WDR88: variants seen among roughly 807,000 people sequenced by gnomAD.
The protein encoded by WDR88 is WD repeat domain 88.
A neutral mutation model predicts 46.8 loss-of-function variants in WDR88; 40 were observed. That is an observed-to-expected ratio of 0.86 (90% confidence interval 0.66 to 1.11). The LOEUF (loss-of-function observed/expected upper bound fraction) is 1.11, where lower values mean the gene tolerates loss of function less well. WDR88 is among the 50% of genes most tolerant of loss of function. The probability of loss-of-function intolerance (pLI) is 0.00; values close to 1 mark genes in which losing one functional copy is unlikely to be tolerated. For missense variants in WDR88, 562 were observed against 602.4 expected, an observed-to-expected ratio of 0.93 and a Z score of 0.70; for synonymous variants, 235 against 240.7, an observed-to-expected ratio of 0.98 and a Z score of 0.22.
At position 33,138,739 on chromosome 19, in the gene WDR88, A is replaced by G. The variant is rs1568359050; in HGVS notation, c.387+952A>G. On this transcript the variant is annotated intron_variant, in intron 2 of 10. Coordinates refer to ENST00000355868, the MANE Select transcript of WDR88 (RefSeq NM_173479.4). ...TGCTCTGTCGCCCAGGCTGGAGTAT[A>G]GTGCCACGATCTCGGCTCACTACAA... is the stretch of plus-strand genomic sequence containing the variant. 5.1e-5 allele frequency among the ~76,000 whole-genome samples: 7 copies of G among 137,990 alleles called. No individual in the cohort carries two copies. In the South Asian group the frequency reaches 1.6e-3, roughly 31 times the overall value. The allele number at this position is 137,990 out of a possible 152,430, so 90.5% of individuals were successfully genotyped here.
chr19:33,172,286 C>T (rs2145426878), intron 9 of WDR88, 62 bp from the exon 10 acceptor site: 2 of 1,349,362 alleles, frequency 1.5e-6, no homozygotes, highest in South Asian at 2.5e-5. Flanking sequence ...TGTTGAATGA[C>T]ATTCCTTTGT....
chr19:33,144,750 G>A (rs1973475569), intron 2 of WDR88, 94 bp from the exon 3 acceptor site: 1 of 1,157,966 alleles, frequency 8.6e-7, no homozygotes, highest in South Asian at 1.3e-5. Context: ...TTTGCTACCA[G>A]AGATAAGCTA....
chr19:33,156,664 TC>T, intron 7 of WDR88, 122 bp downstream of exon 7: 1 of 1,173,118 alleles, frequency 8.5e-7, no homozygotes, highest in Non-Finnish European at 1.2e-6. Context: ...GGCGGATTCT[TC>T]CCCACGAGAA....
chr19:33,132,831 G>A (rs572812838), intron 1 of WDR88, among the ~76,000 whole-genome samples: 3 of 152,298 alleles, frequency 2.0e-5, no homozygotes, highest in African/African-American at 2.4e-5. Flanking sequence ...TACAGTTAGC[G>A]TCAGAAGAAA....
chr19:33,133,816 G>T (rs974087758), intron 1 of WDR88, among the ~76,000 whole-genome samples: 1 of 152,164 alleles, frequency 6.6e-6, no homozygotes, highest in African/African-American at 2.4e-5. Flanking sequence ...CCACGGTATT[G>T]CGCTCTTGGG....
chr19:33,145,427 G>C (rs1377793412), intron 3 of WDR88, among the ~76,000 whole-genome samples: 3 of 152,134 alleles, frequency 2.0e-5, no homozygotes, highest in African/African-American at 7.2e-5. Flanking sequence ...TGGAATTACA[G>C]GCATGAGCCA....
chr19:33,147,588 A>G (rs981300122), intron 3 of WDR88, 57 bp from the exon 4 acceptor site: 3 of 1,573,118 alleles, frequency 1.9e-6, no homozygotes, highest in Non-Finnish European at 2.6e-6. Flanking sequence ...GGGCAACAGA[A>G]AGACACCCTG....
chr19:33,147,520 T>G, intron 3 of WDR88, 125 bp from the exon 4 acceptor site: 11 of 828,418 alleles, frequency 1.3e-5, no homozygotes, highest in Admixed American at 2.6e-5. Context: ...GGAGGGTCGT[T>G]TGAACCTGGG....
At chr19:33,148,323 T>C (rs1473719827) in intron 4 of WDR88, among the ~76,000 whole-genome samples, 1 of 152,146 alleles carries the variant, frequency 6.6e-6, no homozygotes, top group Non-Finnish European at 1.5e-5. Context: ...TTTCTGTCCC[T>C]TCCTCCTTCC....
At chr19:33,144,177 C>G (rs964932386) in intron 2 of WDR88, among the ~76,000 whole-genome samples, 1 of 152,138 alleles carries the variant, frequency 6.6e-6, no homozygotes, top group East Asian at 1.9e-4. Context: ...GTGCAGGGGC[C>G]TGGATCCCAC....
intron 6 of WDR88, 76 bp from the exon 7 acceptor site, chr19:33,156,278 AC>A (rs1195109071): frequency 1.4e-6 from 2 of 1,464,996 alleles, no homozygotes; most frequent in Admixed American, 3.8e-5. Flanking sequence ...AGGAGAAAAT[AC>A]CCCCGGCTTT....
intron 6 of WDR88, 148 bp downstream of exon 6, chr19:33,151,458 G>A (rs1973633265): frequency 9.9e-7 from 1 of 1,009,730 alleles, no homozygotes; most frequent in Non-Finnish European, 1.4e-6. Context: ...AGGCAGGCAG[G>A]AGGGAGCCAT....
Position 33,174,793 on chromosome 19 carries a change from T to C in WDR88, c.1243-603T>C. On this transcript the variant is annotated intron_variant, in intron 10 of 10. Transcript: ENST00000355868. ...CAACTGTCAAGGGGCTTGCCACGCA[T>C]GTCCTCAGGACCCCCATGGCAGGAG... is the stretch of plus-strand genomic sequence containing the variant. 6.1e-6 allele frequency: 6 copies of C among 985,428 alleles called. No individual in the cohort carries two copies. The South Asian group carries it at 1.4e-4, about 23-fold the overall frequency. 61.0% of individuals were successfully genotyped at this position (985,428 alleles called of 1,614,324 possible). A position where few individuals can be genotyped will look rare whatever the true frequency, so the allele number is the denominator to read the frequency against.
chr19:33,170,523 T>G (rs549137290), intron 9 of WDR88, among the ~76,000 whole-genome samples: 1 of 152,220 alleles, frequency 6.6e-6, no homozygotes, highest in Non-Finnish European at 1.5e-5. Context: ...AATAGCCATC[T>G]TGTAGGCACA....
chr19:33,166,676 C>A (rs958748073), intron 9 of WDR88, among the ~76,000 whole-genome samples: 1 of 152,032 alleles, frequency 6.6e-6, no homozygotes, highest in Non-Finnish European at 1.5e-5. Context: ...CTTTGGGAGG[C>A]AGAGGTGGGA....
intron 5 of WDR88, among the ~76,000 whole-genome samples, chr19:33,149,903 G>A (rs1387165966): frequency 6.6e-6 from 1 of 151,958 alleles, no homozygotes; most frequent in Non-Finnish European, 1.5e-5. Context: ...CAGGTGATCT[G>A]CCCGCCTTGG....
At chr19:33,174,219 G>C in intron 10 of WDR88, 2 of 1,536,530 alleles carry the variant, frequency 1.3e-6, no homozygotes, top group Non-Finnish European at 1.7e-6. Flanking sequence ...AAGCAAGGAT[G>C]AGCCTGCTGC....
At chr19:33,145,325 T>C (rs1314006481) in intron 3 of WDR88, among the ~76,000 whole-genome samples, 1 of 151,842 alleles carries the variant, frequency 6.6e-6, no homozygotes, top group Non-Finnish European at 1.5e-5. Flanking sequence ...GGCTAATTTT[T>C]GTATTTTTGT....
At chr19:33,163,189 C>T (rs12971388) in intron 8 of WDR88, among the ~76,000 whole-genome samples, 24,901 of 151,466 alleles carry the variant, frequency 0.16, 2,360 homozygotes, top group East Asian at 0.31. Flanking sequence ...AAAAATTAGC[C>T]GGGTGTGGTG....
Sources: gnomAD v4.1 joint callset for allele counts (sites outside exome capture counted in the v4.1 genomes callset) on GRCh38, gnomAD v4.1.1 for gene constraint, MANE v1.5 for transcripts, NCBI Gene and HGNC (gene_info 2026-07-23, HGNC 2026-07-21) for gene names.